Variants in GLIS1 observed in about 807,000 individuals in gnomAD.
GLIS1 encodes GLIS family zinc finger 1, also known as zinc finger protein GLIS1.
Under a neutral mutation model 63.8 loss-of-function variants are expected in GLIS1, and 24 were observed. That is an observed-to-expected ratio of 0.38 (90% CI 0.27 to 0.53). The LOEUF is 0.53. Among genes scored for constraint, GLIS1 ranks in the 20% least tolerant of loss-of-function variants. The pLI, the probability that GLIS1 is intolerant of heterozygous loss-of-function variation, is 0.85. For synonymous variants in GLIS1, 450 were observed against 482.5 expected (o/e 0.93, Z 0.88); for missense variants, 1,036 against 1,074.1 (o/e 0.96, Z 0.50).
chr1:53,708,682 C>A (rs969970288), intron 2 of GLIS1, among the ~76,000 whole-genome samples: 2 of 152,102 alleles, frequency 1.3e-5, no homozygotes, highest in Admixed American at 6.5e-5. Context: ...GCAGGTCCCC[C>A]AGCTTACTTC....
At chr1:53,585,384 G>A (rs1645124244) in intron 4 of GLIS1, among the ~76,000 whole-genome samples, 1 of 152,018 alleles carries the variant, frequency 6.6e-6, no homozygotes, top group South Asian at 2.1e-4. Context: ...TTGTCTTGAG[G>A]TCTCACAGCT....
At chr1:53,733,811 C>T (rs12075528) in intron 2 of GLIS1, 56,619 of 656,634 alleles carry the variant, frequency 0.086, 2,740 homozygotes, top group Non-Finnish European at 0.091. Context: ...TGATTATTTC[C>T]GGATCGCAGG....
At chr1:53,632,217 CGTGTGACTGA>C (rs1326173136) in intron 2 of GLIS1, among the ~76,000 whole-genome samples, 77 of 125,524 alleles carry the variant, frequency 6.1e-4, no homozygotes, top group African/African-American at 2.3e-3. Flanking sequence ...GACTGAAGGG[CGTGTGACTGA>C]GTGTGACTGA....
chr1:53,607,028 T>C (rs564330202), intron 2 of GLIS1, among the ~76,000 whole-genome samples: 1 of 152,296 alleles, frequency 6.6e-6, no homozygotes, highest in African/African-American at 2.4e-5. Context: ...GTATGGTGTG[T>C]GTAAATAAAC....
chr1:53,710,808 C>T (rs76940624), intron 2 of GLIS1, among the ~76,000 whole-genome samples: 1,879 of 152,300 alleles, frequency 0.012, 31 homozygotes, highest in African/African-American at 0.043. Flanking sequence ...AAGCCAGTGC[C>T]AGGCACCCTC....
intron 2 of GLIS1, among the ~76,000 whole-genome samples, chr1:53,727,521 G>A (rs1249434876): frequency 1.3e-5 from 2 of 152,350 alleles, no homozygotes; most frequent in South Asian, 2.1e-4. Context: ...GATGAGACGC[G>A]TGTCACAGTA....
intron 4 of GLIS1, among the ~76,000 whole-genome samples, chr1:53,544,310 C>T (rs1316531203): frequency 6.6e-6 from 1 of 152,164 alleles, no homozygotes; most frequent in African/African-American, 2.4e-5. Context: ...GAGGAGCCCG[C>T]AACTCTGCTG....
In GLIS1 at chr1:53,570,900, GAGA is replaced by G. The variant is rs1644977876; in HGVS notation, c.1320+23205_1320+23207del. Among the ~76,000 whole-genome samples, 4 of 152,114 alleles carry G rather than the reference GAGA, an allele frequency of 2.6e-5. No homozygotes were observed. The South Asian group carries it at 8.3e-4, about 32-fold the overall frequency. On this transcript the variant is annotated intron_variant, in intron 4 of 10. Coordinates refer to ENST00000628545, the MANE Select transcript of GLIS1 (RefSeq NM_001367484.1). ...AGGATTTATCTGTAGCATTAAGGTA[GAGA>G]AGGACATTTTACTGCAGACACAAAA...
At chr1:53,731,920 G>A (rs1286413915) in intron 2 of GLIS1, among the ~76,000 whole-genome samples, 1 of 152,150 alleles carries the variant, frequency 6.6e-6, no homozygotes, top group Non-Finnish European at 1.5e-5. Context: ...CAGCAGGCAG[G>A]GACTATGGAT....
chr1:53,672,089 T>C (rs1339703626), intron 2 of GLIS1, among the ~76,000 whole-genome samples: 1 of 152,192 alleles, frequency 6.6e-6, no homozygotes, highest in Non-Finnish European at 1.5e-5. Flanking sequence ...CAAGGCCAAC[T>C]GAGTCAAGGC....
chr1:53,714,668 G>A (rs1466833382), intron 2 of GLIS1, among the ~76,000 whole-genome samples: 1 of 152,230 alleles, frequency 6.6e-6, no homozygotes, highest in Non-Finnish European at 1.5e-5. Flanking sequence ...TAGTGGCCAA[G>A]CCTCTTTAGA....
chr1:53,587,618 A>G (rs747796459), intron 4 of GLIS1, among the ~76,000 whole-genome samples: 2 of 152,174 alleles, frequency 1.3e-5, no homozygotes, highest in Non-Finnish European at 2.9e-5. Flanking sequence ...GGTGTTCTCT[A>G]CTCCAAGACA....
chr1:53,673,494 C>T (rs924100163), intron 2 of GLIS1, among the ~76,000 whole-genome samples: 8 of 152,210 alleles, frequency 5.3e-5, no homozygotes, highest in African/African-American at 1.9e-4. Flanking sequence ...TCACCTCCTT[C>T]GGAAAGAGTC....
chr1:53,724,355 T>C (rs146685537), intron 2 of GLIS1, among the ~76,000 whole-genome samples: 21 of 152,372 alleles, frequency 1.4e-4, no homozygotes, highest in African/African-American at 4.1e-4. Context: ...GTTTCCAATA[T>C]GGTAGCTACC....
At chr1:53,617,721 T>C (rs1405894495) in intron 2 of GLIS1, among the ~76,000 whole-genome samples, 1 of 152,246 alleles carries the variant, frequency 6.6e-6, no homozygotes, top group African/African-American at 2.4e-5. Context: ...GAAAAATTTT[T>C]AAAAGATGGT....
chr1:53,551,021 T>A (rs1023270548), intron 4 of GLIS1, among the ~76,000 whole-genome samples: 1 of 151,994 alleles, frequency 6.6e-6, no homozygotes, highest in African/African-American at 2.4e-5. Flanking sequence ...TGGCTAATAT[T>A]TATATTTTTA....
At chr1:53,641,525 T>G (rs1019845447) in intron 2 of GLIS1, among the ~76,000 whole-genome samples, 1 of 152,150 alleles carries the variant, frequency 6.6e-6, no homozygotes, top group Non-Finnish European at 1.5e-5. Context: ...CTGTGTGACC[T>G]TGAAGAACTC....
At chr1:53,636,308 C>T (rs1434350349) in intron 2 of GLIS1, among the ~76,000 whole-genome samples, 1 of 152,250 alleles carries the variant, frequency 6.6e-6, no homozygotes, top group East Asian at 1.9e-4. Context: ...AATCACTTAA[C>T]GCTATTCACC....
intron 2 of GLIS1, among the ~76,000 whole-genome samples, chr1:53,634,122 T>A (rs1205576886): frequency 6.6e-6 from 1 of 152,112 alleles, no homozygotes; most frequent in East Asian, 1.9e-4. Flanking sequence ...ATGGAGACGA[T>A]GGGAGAAGGA....
Sources: allele counts gnomAD v4.1 joint callset (sites outside exome capture counted in the v4.1 genomes callset), GRCh38; gene constraint gnomAD v4.1.1; transcripts MANE v1.5; gene names NCBI Gene and HGNC (gene_info 2026-07-23, HGNC 2026-07-21).